The following SH3RF3 variants were observed in gnomAD, a reference collection of about 807,000 sequenced individuals.
The protein encoded by SH3RF3 is SH3 domain containing ring finger 3, also known as E3 ubiquitin-protein ligase SH3RF3.
Under a neutral mutation model 66.3 loss-of-function variants are expected in SH3RF3, and 29 were observed. The observed-to-expected ratio is 0.44, with a 90% CI of 0.33 to 0.60. SH3RF3 has a LOEUF of 0.60. Among genes scored for constraint, SH3RF3 ranks in the 20% least tolerant of loss-of-function variants. SH3RF3 has a pLI of 0.04. For synonymous variants in SH3RF3, 583 were observed against 532.0 expected (o/e 1.10, Z -1.32); for missense variants, 1,194 against 1,190.9 (o/e 1.00, Z -0.04).
At chr2:109,327,162 A>G (rs1305655728) in intron 1 of SH3RF3, among the ~76,000 whole-genome samples, 1 of 152,154 alleles carries the variant, frequency 6.6e-6, no homozygotes, top group African/African-American at 2.4e-5. Context: ...TTAACTTTTA[A>G]AAGTTTTATA....
At chr2:109,454,875 C>CAGT (rs1196012762) in intron 8 of SH3RF3, among the ~76,000 whole-genome samples, 1 of 151,678 alleles carries the variant, frequency 6.6e-6, no homozygotes, top group Non-Finnish European at 1.5e-5. Flanking sequence ...AAACTGCTGC[C>CAGT]AGTAAGTTTT....
chr2:109,335,276 T>C (rs1173355820), intron 1 of SH3RF3, among the ~76,000 whole-genome samples: 4 of 152,216 alleles, frequency 2.6e-5, no homozygotes, highest in Non-Finnish European at 5.9e-5. Flanking sequence ...GAACGGCTCT[T>C]TCTAGCATGT....
intron 2 of SH3RF3, among the ~76,000 whole-genome samples, chr2:109,365,065 A>G (rs924105878): frequency 1.3e-5 from 2 of 152,038 alleles, no homozygotes; most frequent in African/African-American, 4.8e-5. Flanking sequence ...CAAACAAACA[A>G]ACAAACAAAC....
At chr2:109,493,032 A>AC (rs1679168528) in intron 9 of SH3RF3, among the ~76,000 whole-genome samples, 1 of 151,992 alleles carries the variant, frequency 6.6e-6, no homozygotes, top group Non-Finnish European at 1.5e-5. Flanking sequence ...TACACCATAC[A>AC]AACACATACC....
chr2:109,490,592 T>C lies in SH3RF3; in HGVS notation c.2149-13T>C. On this transcript the variant is annotated splice_polypyrimidine_tract_variant and intron_variant, in intron 8 of 9. Coordinates refer to ENST00000309415, the MANE Select transcript of SH3RF3 (RefSeq NM_001099289.3). ...ATTCACCTGTTTGGTTTCCATCTTG[T>C]GTGTCTCCCCAGAAAGAGAAGAAGA... 1 of 1,417,816 alleles carries C rather than the reference T, an allele frequency of 7.1e-7. No homozygotes were observed. The highest frequency in any genetic ancestry group is 9.2e-7 in the Non-Finnish European group (1 of 1,084,454). The allele number at this position is 1,417,816 out of a possible 1,614,324, so 87.8% of individuals were successfully genotyped here.
intron 3 of SH3RF3, among the ~76,000 whole-genome samples, chr2:109,381,570 T>A (rs529901259): frequency 6.6e-6 from 1 of 152,134 alleles, no homozygotes; most frequent in African/African-American, 2.4e-5. Context: ...CGGGCTTCCA[T>A]GTTCTTGTCT....
chr2:109,468,591 C>T (rs978027305), intron 8 of SH3RF3, among the ~76,000 whole-genome samples: 7 of 152,046 alleles, frequency 4.6e-5, no homozygotes, highest in African/African-American at 1.7e-4. Context: ...TGGTAGCTCA[C>T]GCCTGTAATC....
chr2:109,146,480 G>A (rs1291531616), intron 1 of SH3RF3, among the ~76,000 whole-genome samples: 1 of 148,968 alleles, frequency 6.7e-6, no homozygotes, highest in Non-Finnish European at 1.5e-5. Context: ...CAAGCTCATG[G>A]GTCCTGTGAA....
chr2:109,433,502 G>T (rs1191017848), intron 6 of SH3RF3, among the ~76,000 whole-genome samples: 3 of 152,198 alleles, frequency 2.0e-5, no homozygotes, highest in Admixed American at 6.5e-5. Context: ...GCCCCTCGTG[G>T]GCACGGCCCT....
intron 1 of SH3RF3, among the ~76,000 whole-genome samples, chr2:109,178,202 A>G (rs1307653556): frequency 6.6e-6 from 1 of 152,250 alleles, no homozygotes; most frequent in South Asian, 2.1e-4. Context: ...AAATATTTTC[A>G]TATGTATTTC....
intron 2 of SH3RF3, among the ~76,000 whole-genome samples, chr2:109,356,412 G>A (rs754159215): frequency 6.6e-6 from 1 of 152,186 alleles, no homozygotes; most frequent in Non-Finnish European, 1.5e-5. Context: ...TGGAGCCATG[G>A]CAGGGTCCAC....
At position 109,292,585 on chromosome 2, in the gene SH3RF3, A is replaced by C. The variant is rs1681213051; in HGVS notation, c.574-55089A>C. On this transcript the variant is annotated intron_variant, in intron 1 of 9. Transcript: ENST00000309415. ...ACATCATCCCCTAGTTTCACATTGC[A>C]TTCCCTGATTTCTATTTTGGGCATT... is the stretch of plus-strand genomic sequence containing the variant. 2.6e-5 allele frequency among the ~76,000 whole-genome samples: 4 copies of C among 152,116 alleles called. No homozygotes were observed. In the South Asian group the frequency reaches 8.3e-4, roughly 31 times the overall value.
chr2:109,175,065 T>C (rs912435220), intron 1 of SH3RF3, among the ~76,000 whole-genome samples: 3 of 150,970 alleles, frequency 2.0e-5, no homozygotes, highest in Non-Finnish European at 4.4e-5. Flanking sequence ...AAATCCCATA[T>C]TTAAATGATT....
rs1018623373 is a variant in SH3RF3 at position 109,503,645 on chromosome 2, A to G, written c.*1974A>G. On this transcript the variant is annotated 3_prime_UTR_variant, in exon 10 of 10. Transcript: ENST00000309415. ...GCGTGTTTAAATTCACGTTGTCACC[A>G]AAGAGGTGCACAGATCAACAACCTG... 8 of 152,214 alleles carry G rather than the reference A, an allele frequency of 5.3e-5. 1 individual carries two copies. Among genetic ancestry groups the G allele is most frequent in the African/African-American group, 1.9e-4 (8 of 41,442 alleles). The allele number at this position is 152,214 out of a possible 1,614,324, so 9.4% of individuals were successfully genotyped here. A position where few individuals can be genotyped will look rare whatever the true frequency, so the allele number is the denominator to read the frequency against.
At chr2:109,205,064 G>T (rs1678777794) in intron 1 of SH3RF3, among the ~76,000 whole-genome samples, 1 of 152,028 alleles carries the variant, frequency 6.6e-6, no homozygotes, top group African/African-American at 2.4e-5. Flanking sequence ...AATATTAACT[G>T]GGCATAGAAG....
chr2:109,195,021 G>A (rs1374618950), intron 1 of SH3RF3, among the ~76,000 whole-genome samples: 2 of 152,130 alleles, frequency 1.3e-5, no homozygotes, highest in African/African-American at 2.4e-5. Context: ...TAGAAGTGGG[G>A]GAAATGAAAA....
intron 1 of SH3RF3, among the ~76,000 whole-genome samples, chr2:109,205,252 C>T (rs1022326505): frequency 1.4e-5 from 2 of 147,810 alleles, no homozygotes; most frequent in African/African-American, 2.5e-5. Context: ...ATTAGAGCAA[C>T]TTATGTGACT....
At chr2:109,275,057 C>T (rs1223393904) in intron 1 of SH3RF3, among the ~76,000 whole-genome samples, 2 of 152,114 alleles carry the variant, frequency 1.3e-5, no homozygotes, top group Non-Finnish European at 2.9e-5. Context: ...AAATTGTCCC[C>T]TTAGAACATC....
intron 5 of SH3RF3, among the ~76,000 whole-genome samples, chr2:109,429,521 G>T (rs1236750781): frequency 6.6e-6 from 1 of 152,130 alleles, no homozygotes; most frequent in Non-Finnish European, 1.5e-5. Context: ...ATCTCCCTAC[G>T]CGTTGGCCAC....
Sources: gnomAD v4.1 joint callset for allele counts (sites outside exome capture counted in the v4.1 genomes callset) on GRCh38, gnomAD v4.1.1 for gene constraint, MANE v1.5 for transcripts, NCBI Gene and HGNC (gene_info 2026-07-23, HGNC 2026-07-21) for gene names.